The following LONP2 variants were observed in gnomAD, a reference collection of about 807,000 sequenced individuals.
LONP2 encodes lon peptidase 2, peroxisomal, also known as lon protease homolog 2, peroxisomal.
In LONP2, 60 loss-of-function variants were observed where a neutral mutation model predicts 85.6. The ratio of observed to expected loss-of-function variants is 0.70; its 90% confidence interval spans 0.57 to 0.87. LONP2 has a LOEUF of 0.87. Among genes scored for constraint, LONP2 ranks in the 40% least tolerant of loss-of-function variants. The pLI, the probability that LONP2 is intolerant of heterozygous loss-of-function variation, is 0.00. For missense variants in LONP2, 860 were observed against 1,063.5 expected (o/e 0.81, Z 2.66); for synonymous variants, 395 against 389.7 (o/e 1.01, Z -0.16).
At position 48,279,020 on chromosome 16, in the gene LONP2, A is replaced by G. The variant is rs982514687; in HGVS notation, c.1383+1541A>G. On this transcript the variant is annotated intron_variant, in intron 8 of 14. Transcript: ENST00000285737. ...AAAAACTTTCTCTGCATGTTCTTTTATAGTATCCTGTTCTTGTTACATAGT... is the reference window on the plus strand; with the variant it reads ...AAAAACTTTCTCTGCATGTTCTTTTGTAGTATCCTGTTCTTGTTACATAGT... Among the ~76,000 whole-genome samples, 7 of 152,220 alleles carry G rather than the reference A, an allele frequency of 4.6e-5. No homozygotes were observed. In the South Asian group the frequency reaches 6.2e-4, roughly 14 times the overall value.
downstream of LONP2, among the ~76,000 whole-genome samples, chr16:48,358,719 G>A (rs990562832): frequency 2.6e-5 from 4 of 152,156 alleles, no homozygotes; most frequent in Non-Finnish European, 5.9e-5. Context: ...TACGCAGGAG[G>A]ATGAGATGGG....
chr16:48,251,688 A>G (rs1971652623), intron 1 of LONP2, among the ~76,000 whole-genome samples: 1 of 152,210 alleles, frequency 6.6e-6, no homozygotes. Context: ...AACTGACTTG[A>G]TGTTAGTAGC....
chr16:48,272,258 T>G (rs1972120761), intron 7 of LONP2, among the ~76,000 whole-genome samples: 1 of 152,226 alleles, frequency 6.6e-6, no homozygotes, highest in East Asian at 1.9e-4. Context: ...AATTTCAATC[T>G]GATTTTTTAA....
intron 8 of LONP2, among the ~76,000 whole-genome samples, chr16:48,278,067 A>G (rs542016344): frequency 4.5e-4 from 69 of 152,002 alleles, no homozygotes; most frequent in Non-Finnish European, 6.9e-4. Context: ...TAATACATCC[A>G]TATTAGTATT....
chr16:48,247,231 A>T, intron 1 of LONP2: 1 of 7,112 alleles, frequency 1.4e-4, no homozygotes, highest in Admixed American at 2.1e-3. Context: ...AAAAAAAAAA[A>T]AAAAAGGCTT....
chr16:48,247,906 C>T (rs1971498392), intron 1 of LONP2, among the ~76,000 whole-genome samples: 1 of 152,144 alleles, frequency 6.6e-6, no homozygotes, highest in Admixed American at 6.5e-5. Flanking sequence ...GTTAGGATTA[C>T]AGGCGTGAGC....
chr16:48,304,909 G>A (rs982237938), intron 11 of LONP2, among the ~76,000 whole-genome samples: 6 of 152,220 alleles, frequency 3.9e-5, no homozygotes, highest in African/African-American at 1.4e-4. Flanking sequence ...CCAGAAAGGA[G>A]TTGGATGACT....
chr16:48,362,541 GA>G lies in LONP2; in HGVS notation c.*679del. ...TTTAAAGTTTCATACAAAATTTACTGAGCAAAAGAGGAAGAAAAATAGGATT... is the reference window on the plus strand; with the variant it reads ...TTTAAAGTTTCATACAAAATTTACTGGCAAAAGAGGAAGAAAAATAGGATT... On this transcript the variant is annotated 3_prime_UTR_variant, in exon 5 of 5. Transcript: ENST00000565867. The surrounding 1 kb of genome is among the most constrained non-coding windows in gnomAD (Gnocchi z 4.2). 1 of 1,055,898 alleles carries G rather than the reference GA, an allele frequency of 9.5e-7. No individual in the cohort carries two copies. The allele number at this position is 1,055,898 out of a possible 1,614,324, so 65.4% of individuals were successfully genotyped here.
rs953156216 is a variant in LONP2, at chr16:48,351,635, G to A, written c.2392G>A (p.Val798Ile). The A allele has an allele frequency of 5.0e-6, 8 of 1,614,006 alleles. No homozygotes were observed. In the Admixed American group the frequency reaches 5.0e-5, roughly 10 times the overall value. Residue 798 changes from valine (V) to isoleucine (I), a missense_variant, in exon 15 of 15, where the codon GTC (valine) becomes ATC (isoleucine). By Grantham distance (29) the Val-to-Ile change is conservative (BLOSUM62 3). Around this residue, in one of 3 missense-constraint regions of LONP2, gnomAD observed 115 missense variants for 129.0 expected, o/e 0.89. Transcript: ENST00000285737. Reference protein sequence around the residue: ...LAAHRAGLKQVIIPRRNEKDL... With the variant: ...LAAHRAGLKQIIIPRRNEKDL... ...GGCACACAGAGCGGGACTGAAGCAA[G>A]TCATTATTCCTCGGAGAAATGAAAA...
downstream of LONP2, chr16:48,362,001 G>C: frequency 6.2e-7 from 1 of 1,614,194 alleles, no homozygotes; most frequent in East Asian, 2.2e-5. This position sits in a 1 kb window ranked among gnomAD's most constrained non-coding sequence, Gnocchi z 4.2. Flanking sequence ...GGGCATTACA[G>C]CATCCAGAGA....
At chr16:48,254,240 A>G (rs1971710767) in intron 2 of LONP2, among the ~76,000 whole-genome samples, 1 of 152,218 alleles carries the variant, frequency 6.6e-6, no homozygotes, top group Non-Finnish European at 1.5e-5. Context: ...CGTCAACTCT[A>G]GTTATCACCT....
chr16:48,292,438 C>A (rs1972575129), intron 8 of LONP2, among the ~76,000 whole-genome samples: 1 of 152,158 alleles, frequency 6.6e-6, no homozygotes, highest in Non-Finnish European at 1.5e-5. Context: ...CAGTTCCCAG[C>A]TTGTCTCTTC....
chr16:48,299,808 G>C lies in LONP2; in HGVS notation c.1661+20G>C. On this transcript the variant is annotated intron_variant, in intron 10 of 14. Coordinates refer to ENST00000285737, the MANE Select transcript of LONP2 (RefSeq NM_031490.5). ...CACCAGGTTAGTTAGCCATCCTGAG[G>C]CTTCATTAACTCCAGGCAACTTTTG... is the stretch of plus-strand genomic sequence containing the variant. 3 of 1,604,068 alleles carry C rather than the reference G, an allele frequency of 1.9e-6. No homozygotes were observed. In the East Asian group the frequency reaches 6.7e-5, roughly 36 times the overall value.
Position 48,244,340 on chromosome 16 carries a change from C to A in LONP2, c.-49C>A. On this transcript the variant is annotated 5_prime_UTR_variant, in exon 1 of 15. The change creates a new upstream start codon in the 5' untranslated region. Transcript: ENST00000285737. ...TGACTGCGGGGCAGGCCGGGGGCAG[C>A]TGTCTGTCTGGCTCTTTTTGACAGC... 1 of 1,368,658 alleles carries A rather than the reference C, an allele frequency of 7.3e-7. No homozygotes were observed. Among genetic ancestry groups the A allele is most frequent in the South Asian group, 1.4e-5 (1 of 70,594 alleles). 84.8% of individuals were successfully genotyped at this position (1,368,658 alleles called of 1,614,324 possible). A position where few individuals can be genotyped will look rare whatever the true frequency, so the allele number is the denominator to read the frequency against.
At chr16:48,245,814 C>T (rs1971344319) in intron 1 of LONP2, among the ~76,000 whole-genome samples, 1 of 152,038 alleles carries the variant, frequency 6.6e-6, no homozygotes, top group African/African-American at 2.4e-5. Context: ...ATGTGGTCCA[C>T]ATTATATTTT....
At chr16:48,308,511 C>G (rs1031573921) in intron 11 of LONP2, among the ~76,000 whole-genome samples, 1 of 151,664 alleles carries the variant, frequency 6.6e-6, no homozygotes, top group Non-Finnish European at 1.5e-5. Context: ...CCTATAGTCC[C>G]AGCTACTCGG....
At chr16:48,259,352 A>T (rs1449904145) in intron 4 of LONP2, among the ~76,000 whole-genome samples, 1 of 152,184 alleles carries the variant, frequency 6.6e-6, no homozygotes, top group East Asian at 1.9e-4. Flanking sequence ...ACTCAACACC[A>T]CTAATTAAAT....
At chr16:48,334,530 TGACTGCATGGG>T in intron 12 of LONP2, 172 bp downstream of exon 12, 1 of 786,116 alleles carries the variant, frequency 1.3e-6, no homozygotes, top group Non-Finnish European at 2.2e-6. Context: ...TTGCAGCAGT[TGACTGCATGGG>T]GGCGCAGGCG....
At chr16:48,286,862 A>AT (rs1035298634) in intron 8 of LONP2, among the ~76,000 whole-genome samples, 23 of 151,196 alleles carry the variant, frequency 1.5e-4, no homozygotes, top group African/African-American at 4.6e-4. Context: ...GTGTCTCATA[A>AT]TTTTTTTTGT....
Sources: allele counts gnomAD v4.1 joint callset (sites outside exome capture counted in the v4.1 genomes callset), GRCh38; gene constraint gnomAD v4.1.1; regional missense constraint gnomAD v4.1.1; non-coding constraint Gnocchi (gnomAD v3.1); transcripts MANE v1.5; gene names NCBI Gene and HGNC (gene_info 2026-07-23, HGNC 2026-07-21).